The following ZFHX3 variants were observed in gnomAD, a reference collection of about 807,000 sequenced individuals.
ZFHX3 encodes the protein zinc finger homeobox 3, also known as zinc finger homeobox protein 3.
A neutral mutation model predicts 279.1 loss-of-function variants in ZFHX3; 42 were observed. The ratio of observed to expected loss-of-function variants is 0.15; its 90% confidence interval spans 0.12 to 0.19. The LOEUF (loss-of-function observed/expected upper bound fraction) is 0.19, where lower values mean the gene tolerates loss of function less well. Ranked by LOEUF, ZFHX3 falls within the 10% of genes least tolerant of loss-of-function variation. The pLI is 1.00. For missense variants in ZFHX3, 4,981 were observed against 4,754.0 expected, an observed-to-expected ratio of 1.05 and a Z score of -1.40; for synonymous variants, 2,293 against 1,957.8, an observed-to-expected ratio of 1.17 and a Z score of -4.52.
intron 4 of ZFHX3, among the ~76,000 whole-genome samples, chr16:72,864,362 C>T (rs1388619371): frequency 2.0e-5 from 3 of 152,156 alleles, no homozygotes; most frequent in African/African-American, 7.2e-5. Flanking sequence ...ATTAAATACA[C>T]ATTAGAAAAC....
chr16:73,232,060 C>T (rs1363225026), intron 5 of ZFHX3: 2 of 152,250 alleles, frequency 1.3e-5, no homozygotes, highest in Non-Finnish European at 2.9e-5. Flanking sequence ...GACCATTTGG[C>T]TCTTGATTCT....
chr16:73,413,297 T>C (rs1597325153), intron 3 of ZFHX3, among the ~76,000 whole-genome samples: 1 of 152,186 alleles, frequency 6.6e-6, no homozygotes, highest in East Asian at 1.9e-4. Flanking sequence ...GTGAGAAAGT[T>C]CAAAGGAAAC....
intron 4 of ZFHX3, among the ~76,000 whole-genome samples, chr16:73,260,427 C>T (rs1191800728): frequency 6.6e-6 from 1 of 152,060 alleles, no homozygotes; most frequent in East Asian, 1.9e-4. Flanking sequence ...GTGCTACTAT[C>T]GATGTTTATT....
At chr16:73,141,163 G>A (rs1187995444) in intron 6 of ZFHX3, among the ~76,000 whole-genome samples, 1 of 152,136 alleles carries the variant, frequency 6.6e-6, no homozygotes, top group Admixed American at 6.5e-5. Context: ...TTCAATAGAT[G>A]TTTGCCGACT....
intron 2 of ZFHX3, among the ~76,000 whole-genome samples, chr16:73,528,996 G>A (rs1267545272): frequency 6.6e-6 from 1 of 152,118 alleles, no homozygotes; most frequent in African/African-American, 2.4e-5. Flanking sequence ...ATAAGCTAGG[G>A]GTTTCCTTGA....
intron 3 of ZFHX3, among the ~76,000 whole-genome samples, chr16:72,922,490 C>G (rs2039608987): frequency 6.6e-6 from 1 of 152,162 alleles, no homozygotes; most frequent in Non-Finnish European, 1.5e-5. Flanking sequence ...ATCCTTACCT[C>G]TAGCACAGAC....
At chr16:73,830,970 ACCTGG>A (rs1960980549) in intron 1 of ZFHX3, among the ~76,000 whole-genome samples, 2 of 152,216 alleles carry the variant, frequency 1.3e-5, no homozygotes, top group Non-Finnish European at 2.9e-5. Flanking sequence ...GGATTTAGGT[ACCTGG>A]CAGACCAGTT....
intron 2 of ZFHX3, among the ~76,000 whole-genome samples, chr16:73,624,862 A>G (rs2052400884): frequency 6.6e-6 from 1 of 152,090 alleles, no homozygotes; most frequent in South Asian, 2.1e-4. Context: ...AAGATGCTTC[A>G]TTTTTCCCCA....
At position 72,952,035 on chromosome 16, in the gene ZFHX3, G is replaced by A. The variant is rs537913182; in HGVS notation, c.2720-1070C>T. 2.0e-4 allele frequency among the ~76,000 whole-genome samples: 31 copies of A among 152,308 alleles called. No individual in the cohort carries two copies. In the South Asian group the frequency reaches 6.4e-3, roughly 32 times the overall value. On this transcript the variant is annotated intron_variant, in intron 2 of 9. Transcript: ENST00000268489. ...GGAGGCCAAGGCAGGCAGATCACCTGAGCTTAGGAGCTCAAGACCAGTCTG... is the reference window on the plus strand; with the variant it reads ...GGAGGCCAAGGCAGGCAGATCACCTAAGCTTAGGAGCTCAAGACCAGTCTG...
intron 5 of ZFHX3, among the ~76,000 whole-genome samples, chr16:73,243,372 T>C (rs1490871639): frequency 6.6e-6 from 1 of 152,188 alleles, no homozygotes; most frequent in African/African-American, 2.4e-5. Flanking sequence ...TCCCACTCAC[T>C]CTCTATTCTT....
At chr16:73,514,524 T>C (rs1011544453) in intron 2 of ZFHX3, among the ~76,000 whole-genome samples, 5 of 152,206 alleles carry the variant, frequency 3.3e-5, no homozygotes, top group African/African-American at 9.6e-5. Flanking sequence ...TGAACTATTA[T>C]TTTTACTATT....
intron 1 of ZFHX3, among the ~76,000 whole-genome samples, chr16:73,858,978 T>G (rs1961811231): frequency 6.6e-6 from 1 of 152,184 alleles, no homozygotes; most frequent in African/African-American, 2.4e-5. Flanking sequence ...TGTGCAAGCC[T>G]AATTTATCTA....
At chr16:73,094,214 G>A (rs1163268129) in intron 7 of ZFHX3, among the ~76,000 whole-genome samples, 1 of 152,150 alleles carries the variant, frequency 6.6e-6, no homozygotes, top group Non-Finnish European at 1.5e-5. Context: ...CATAGTTTAG[G>A]TATTTTTCTC....
intron 8 of ZFHX3, among the ~76,000 whole-genome samples, chr16:73,072,426 A>G (rs1965835538): frequency 6.9e-6 from 1 of 145,746 alleles, no homozygotes; most frequent in Non-Finnish European, 1.5e-5. Flanking sequence ...CCTGAGCAAC[A>G]AGAGTGAAAC....
In ZFHX3 at chr16:73,454,904, TA is replaced by T. The variant is rs57645704; in HGVS notation, c.-1291+1098del. On this transcript the variant is annotated intron_variant, in intron 3 of 17. Coordinates refer to the ZFHX3 transcript ENST00000641206. The stretch of plus-strand genomic sequence containing the variant: ...CTAGGATATTCAAGTATAAGACAGT[TA>T]AAAAAAAAAAAAACTACAATAGAAA... Among the ~76,000 whole-genome samples the T allele has an allele frequency of 5.5e-3, 785 of 142,300 alleles. 3 individuals carry two copies. The highest frequency in any genetic ancestry group is 0.02 in the East Asian group (97 of 4,892). The allele number at this position is 142,300 out of a possible 152,430, so 93.4% of individuals were successfully genotyped here. A position where few individuals can be genotyped will look rare whatever the true frequency, so the allele number is the denominator to read the frequency against.
At chr16:72,904,152 G>C (rs1329577567) in intron 3 of ZFHX3, among the ~76,000 whole-genome samples, 1 of 152,084 alleles carries the variant, frequency 6.6e-6, no homozygotes, top group Non-Finnish European at 1.5e-5. Context: ...GATCACTTGA[G>C]GCCAGAAGTT....
chr16:73,349,588 C>T (rs915373667), intron 3 of ZFHX3, among the ~76,000 whole-genome samples: 1 of 151,552 alleles, frequency 6.6e-6, no homozygotes, highest in African/African-American at 2.4e-5. Context: ...TTGTCTATCG[C>T]TTTACCTCTC....
At chr16:73,835,415 A>C (rs1597136656) in intron 1 of ZFHX3, among the ~76,000 whole-genome samples, 1 of 117,918 alleles carries the variant, frequency 8.5e-6, no homozygotes, top group Admixed American at 9.2e-5. Flanking sequence ...TTTCCCCACC[A>C]TCCCTCTTCT....
chr16:73,258,699 G>C (rs1278869650), intron 4 of ZFHX3, among the ~76,000 whole-genome samples: 1 of 152,038 alleles, frequency 6.6e-6, no homozygotes, highest in Non-Finnish European at 1.5e-5. Context: ...ACCTAATAAA[G>C]ACCTATATAT....
Sources: allele counts gnomAD v4.1 joint callset (sites outside exome capture counted in the v4.1 genomes callset), GRCh38; gene constraint gnomAD v4.1.1; transcripts MANE v1.5; gene names NCBI Gene and HGNC (gene_info 2026-07-23, HGNC 2026-07-21).